BCAP29: variants seen among roughly 807,000 people sequenced by gnomAD.
BCAP29 encodes the protein B cell receptor associated protein 29, also known as B-cell receptor-associated protein 29.
BCAP29 carries 34 observed loss-of-function variants against 31.8 expected under a neutral mutation model. That is an observed-to-expected ratio of 1.07 (90% CI 0.81 to 1.42). The LOEUF (loss-of-function observed/expected upper bound fraction) is 1.42, where lower values mean the gene tolerates loss of function less well. Among genes scored for constraint, BCAP29 ranks in the 40% most tolerant of loss-of-function variants. The pLI, the probability that BCAP29 is intolerant of heterozygous loss-of-function variation, is 0.00. For synonymous variants in BCAP29, 104 were observed against 91.3 expected (o/e 1.14, Z -0.79); for missense variants, 314 against 269.2 (o/e 1.17, Z -1.16).
At chr7:107,623,057 C>A (rs78850321), downstream of BCAP29, 276 of 152,136 alleles carry the variant, frequency 1.8e-3, 1 homozygote, top group African/African-American at 6.3e-3. Context: ...CTCTGTCCTG[C>A]TGCTTGAAAC....
intron 3 of BCAP29, among the ~76,000 whole-genome samples, chr7:107,585,611 A>G (rs1378279977): frequency 6.6e-6 from 1 of 152,222 alleles, no homozygotes; most frequent in Non-Finnish European, 1.5e-5. Context: ...TTCTAACTCT[A>G]AAATTATCAC....
intron 6 of BCAP29, among the ~76,000 whole-genome samples, chr7:107,611,167 C>T (rs1813055262): frequency 6.6e-6 from 1 of 152,176 alleles, no homozygotes; most frequent in East Asian, 1.9e-4. Context: ...ATGACCTAAT[C>T]ACTCCCCAGC....
chr7:107,613,834 T>C (rs1813667828), intron 7 of BCAP29: 5 of 822,412 alleles, frequency 6.1e-6, no homozygotes, highest in Non-Finnish European at 1.0e-5. Flanking sequence ...TTTAGACATA[T>C]TAGGACAAGA....
intron 7 of BCAP29, among the ~76,000 whole-genome samples, chr7:107,614,787 T>C (rs1037307169): frequency 6.6e-6 from 1 of 152,192 alleles, no homozygotes; most frequent in African/African-American, 2.4e-5. Context: ...AGGGCTCAGT[T>C]CACATGGCCT....
chr7:107,599,691 C>T (rs1810795585), intron 5 of BCAP29, among the ~76,000 whole-genome samples: 1 of 151,840 alleles, frequency 6.6e-6, no homozygotes, highest in African/African-American at 2.4e-5. Context: ...ATTATAGTTT[C>T]TGTACACAAT....
At chr7:107,594,352 T>A in intron 4 of BCAP29, 1 of 451,444 alleles carries the variant, frequency 2.2e-6, no homozygotes, top group East Asian at 3.9e-5. Context: ...CATGTAGGGC[T>A]AATTTTTAAA....
chr7:107,585,967 G>T (rs977133778), intron 3 of BCAP29, among the ~76,000 whole-genome samples: 1 of 151,998 alleles, frequency 6.6e-6, no homozygotes, highest in African/African-American at 2.4e-5. Flanking sequence ...CTGCAGCCTG[G>T]GTGACAAGAG....
Position 107,595,879 on chromosome 7 carries a change from T to G in BCAP29, c.357T>G (p.Arg119=). ...TTTTTTTTCTTAGAGTTTTGAGACGTCTGGTTACGCTTATTACTCAACTGG... is the reference window on the plus strand; with the variant it reads ...TTTTTTTTCTTAGAGTTTTGAGACGGCTGGTTACGCTTATTACTCAACTGG... ...FSLFFWLVLR[R]LVTLITQLAK... The change falls in exon 5 of 8, where the codon CGT becomes CGG. Residue 119 remains arginine, a synonymous_variant. Transcript: ENST00000005259. 6.3e-7 allele frequency: 1 copy of G among 1,597,778 alleles called. No individual in the cohort carries two copies. The highest frequency in any genetic ancestry group is 8.5e-7 in the Non-Finnish European group (1 of 1,175,682).
At chr7:107,621,814 T>C (rs752489167), downstream of BCAP29, 2 of 505,240 alleles carry the variant, frequency 4.0e-6, no homozygotes, top group East Asian at 5.6e-5. Context: ...CCGATAAAAC[T>C]GATATTGGAC....
At chr7:107,609,400 G>A (rs892487185) in intron 6 of BCAP29, among the ~76,000 whole-genome samples, 1 of 152,088 alleles carries the variant, frequency 6.6e-6, no homozygotes, top group African/African-American at 2.4e-5. Flanking sequence ...TCAAGTAGAC[G>A]GGCAACTACG....
At chr7:107,603,712 C>T (rs1811590788) in intron 6 of BCAP29, among the ~76,000 whole-genome samples, 1 of 149,710 alleles carries the variant, frequency 6.7e-6, no homozygotes, top group Non-Finnish European at 1.5e-5. Context: ...CTCAGGAGAT[C>T]CTCCCGCCTC....
At chr7:107,598,439 A>C (rs1810250471) in intron 5 of BCAP29, among the ~76,000 whole-genome samples, 1 of 152,152 alleles carries the variant, frequency 6.6e-6, no homozygotes, top group African/African-American at 2.4e-5. Flanking sequence ...TATGCATTAG[A>C]GCTTTAATTC....
In BCAP29 at chr7:107,596,010, A is replaced by G. The variant is rs748538119; in HGVS notation, c.480+8A>G. ...AACGAAAAACTAAAAAGGGTATTTA[A>G]TTTTCTTTGTAAAAATTAAATGTTG... On this transcript the variant is annotated splice_region_variant and intron_variant, in intron 5 of 7. Transcript: ENST00000005259. 3.9e-6 allele frequency: 6 copies of G among 1,556,022 alleles called. No individual in the cohort carries two copies. Among genetic ancestry groups the G allele is most frequent in the Admixed American group, 2.2e-5 (1 of 45,774 alleles).
At chr7:107,620,625 A>C (rs1435493583), downstream of BCAP29, 1 of 152,070 alleles carries the variant, frequency 6.6e-6, no homozygotes, top group Non-Finnish European at 1.5e-5. Context: ...CTTTCCCCCT[A>C]CTTGCAAATC....
At chr7:107,603,409 C>T (rs1251402110) in intron 6 of BCAP29, 1 of 150,964 alleles carries the variant, frequency 6.6e-6, no homozygotes, top group African/African-American at 2.4e-5. Flanking sequence ...AGCAGGAATA[C>T]ATATAGATAT....
chr7:107,618,215 AATT>A lies in BCAP29; in HGVS notation c.691-109_691-107del, dbSNP rs1364287141. 3 of 710,474 alleles carry A rather than the reference AATT, an allele frequency of 4.2e-6. No individual in the cohort carries two copies. The Admixed American group carries it at 8.7e-5, about 21-fold the overall frequency. 44.0% of individuals were successfully genotyped at this position (710,474 alleles called of 1,614,324 possible). On this transcript the variant is annotated intron_variant, in intron 7 of 7. Transcript: ENST00000005259. The stretch of plus-strand genomic sequence containing the variant: ...TTTCTCAATCCTTTTTTTCACATTT[AATT>A]ATTCTCATAAGTATACATAGAAGAG...
At chr7:107,608,418 T>C (rs1812546906) in intron 6 of BCAP29, among the ~76,000 whole-genome samples, 1 of 152,232 alleles carries the variant, frequency 6.6e-6, no homozygotes, top group Non-Finnish European at 1.5e-5. Flanking sequence ...AGCTCTTTCA[T>C]TTGGCTCCTG....
At chr7:107,602,964 C>CTTTTT (rs34887499) in intron 6 of BCAP29, among the ~76,000 whole-genome samples, 29 of 68,288 alleles carry the variant, frequency 4.2e-4, no homozygotes, top group South Asian at 1.6e-3. Context: ...TTCTTTTATT[C>CTTTTT]TTTTTTTTTT....
At chr7:107,596,935 G>C (rs1209644945) in intron 5 of BCAP29, among the ~76,000 whole-genome samples, 1 of 152,130 alleles carries the variant, frequency 6.6e-6, no homozygotes, top group Non-Finnish European at 1.5e-5. Flanking sequence ...CTTTCTGTTT[G>C]TTTGTTTTCC....
Sources: allele counts gnomAD v4.1 joint callset (sites outside exome capture counted in the v4.1 genomes callset), GRCh38; gene constraint gnomAD v4.1.1; transcripts MANE v1.5; gene names NCBI Gene and HGNC (gene_info 2026-07-23, HGNC 2026-07-21).